The following CIMAP2 variants were observed in gnomAD, a reference collection of about 807,000 sequenced individuals.
CIMAP2 encodes ciliary microtubule associated protein 2.
chr1:54,826,641 G>T, the CIMAP2 span, among the ~76,000 whole-genome samples: 1 of 152,232 alleles, frequency 6.6e-6, no homozygotes, highest in African/African-American at 2.4e-5. Flanking sequence ...TAGTCTCAGG[G>T]CCTGCAAGGC....
the CIMAP2 span, among the ~76,000 whole-genome samples, chr1:54,817,357 C>G: frequency 1.3e-5 from 2 of 152,202 alleles, no homozygotes; most frequent in South Asian, 4.1e-4. Flanking sequence ...TTTCCTTCAG[C>G]TGTCAAAAGA....
At chr1:54,813,903 A>G in the CIMAP2 span, 1 of 1,613,762 alleles carries the variant, frequency 6.2e-7, no homozygotes, top group Non-Finnish European at 8.5e-7. Flanking sequence ...TTTTTTCTAA[A>G]CTTCCCCGAA....
chr1:54,809,276 G>T, the CIMAP2 span, among the ~76,000 whole-genome samples: 1 of 152,168 alleles, frequency 6.6e-6, no homozygotes, highest in Non-Finnish European at 1.5e-5. Flanking sequence ...CCCAGAGCCA[G>T]GGTCTTTCTC....
the CIMAP2 span, chr1:54,814,010 G>A: frequency 2.2e-5 from 35 of 1,556,216 alleles, no homozygotes; most frequent in East Asian, 2.1e-4. Context: ...TTCCTCTCTC[G>A]GAGGGCAGCT....
chr1:54,808,092 C>A, the CIMAP2 span: 2 of 1,413,476 alleles, frequency 1.4e-6, no homozygotes, highest in South Asian at 3.2e-5. Context: ...ACTTACATAT[C>A]CATCCAGCCA....
the CIMAP2 span, among the ~76,000 whole-genome samples, chr1:54,838,972 G>A: frequency 2.6e-5 from 4 of 152,156 alleles, no homozygotes; most frequent in African/African-American, 9.7e-5. Context: ...GGGAGAGGCT[G>A]CAAAGTCACA....
the CIMAP2 span, among the ~76,000 whole-genome samples, chr1:54,815,781 G>T: frequency 3.3e-4 from 50 of 152,134 alleles, no homozygotes; most frequent in East Asian, 8.7e-3. Context: ...CATAATGGCC[G>T]TAACTATCCC....
At chr1:54,838,778 GCC>G in the CIMAP2 span, among the ~76,000 whole-genome samples, 3 of 152,150 alleles carry the variant, frequency 2.0e-5, no homozygotes, top group Non-Finnish European at 4.4e-5. Context: ...CAGTGGTGTA[GCC>G]CAGGCTTGCT....
chr1:54,827,234 G>A, the CIMAP2 span, among the ~76,000 whole-genome samples: 1 of 152,180 alleles, frequency 6.6e-6, no homozygotes, highest in African/African-American at 2.4e-5. Context: ...TCCCCTTCTT[G>A]GGCAATATCC....
chr1:54,811,765 G>GCCGGGGGGGGGGGGCCCCCC, the CIMAP2 span: 19 of 1,301,288 alleles, frequency 1.5e-5, no homozygotes, highest in East Asian at 9.9e-5. Context: ...GGTTCTGACA[G>GCCGGGGGGGGGGGGCCCCCC]CCTCCATGCC....
At chr1:54,840,751 T>G in the CIMAP2 span, among the ~76,000 whole-genome samples, 1 of 152,398 alleles carries the variant, frequency 6.6e-6, no homozygotes, top group African/African-American at 2.4e-5. Context: ...GATCTTTTCA[T>G]AGGCATCCTC....
the CIMAP2 span, among the ~76,000 whole-genome samples, chr1:54,837,654 C>T: frequency 6.6e-6 from 1 of 152,112 alleles, no homozygotes; most frequent in African/African-American, 2.4e-5. Context: ...GTAGTGGCCC[C>T]CAGTCTTTGG....
the CIMAP2 span, among the ~76,000 whole-genome samples, chr1:54,834,945 ATCTG>A: frequency 1.3e-5 from 2 of 152,182 alleles, no homozygotes; most frequent in African/African-American, 2.4e-5. Context: ...CTTTCTACCT[ATCTG>A]TCTATCCATC....
the CIMAP2 span, among the ~76,000 whole-genome samples, chr1:54,810,972 G>GCCTCTTCC: frequency 9.9e-4 from 151 of 152,310 alleles, no homozygotes; most frequent in Middle Eastern, 0.01. Flanking sequence ...CTGTCTCACT[G>GCCTCTTCC]CCTCTTCCCT....
the CIMAP2 span, among the ~76,000 whole-genome samples, chr1:54,818,385 CT>C: frequency 8.6e-5 from 13 of 150,884 alleles, no homozygotes; most frequent in Admixed American, 2.6e-4. Flanking sequence ...CTTTTTTTTT[CT>C]CTCTCTCTCT....
chr1:54,811,767 C>CGGGGGGGGGGGGGGCCG, the CIMAP2 span: 1 of 1,088,170 alleles, frequency 9.2e-7, no homozygotes, highest in Non-Finnish European at 1.4e-6. Context: ...TTCTGACAGC[C>CGGGGGGGGGGGGGGCCG]TCCATGCCCC....
At chr1:54,808,117 A>G in the CIMAP2 span, 1 of 1,287,912 alleles carries the variant, frequency 7.8e-7, no homozygotes, top group Non-Finnish European at 1.0e-6. Context: ...GCCAGGAATA[A>G]GGATTAAGCA....
At chr1:54,842,014 GA>G in the CIMAP2 span, 1 of 837,240 alleles carries the variant, frequency 1.2e-6, no homozygotes, top group South Asian at 1.7e-5. Flanking sequence ...GATGTATGGG[GA>G]TCACCTTTGC....
chr1:54,818,476 T>A, the CIMAP2 span, among the ~76,000 whole-genome samples: 2 of 152,152 alleles, frequency 1.3e-5, no homozygotes, highest in African/African-American at 4.8e-5. Flanking sequence ...ACTATTATTT[T>A]AAAAATTTTG....
Sources: gnomAD v4.1 joint callset for allele counts (sites outside exome capture counted in the v4.1 genomes callset) on GRCh38, gnomAD v4.1.1 for gene constraint, MANE v1.5 for transcripts, NCBI Gene and HGNC (gene_info 2026-07-23, HGNC 2026-07-21) for gene names.